Variants in ABCB9 observed in about 807,000 individuals in gnomAD.
ABCB9 encodes ABC-type oligopeptide transporter ABCB9.
Under a neutral mutation model 62.0 loss-of-function variants are expected in ABCB9, and 36 were observed. That is an observed-to-expected ratio of 0.58 (90% CI 0.45 to 0.77). The LOEUF is 0.77. Among genes scored for constraint, ABCB9 ranks in the 30% least tolerant of loss-of-function variants. The probability of loss-of-function intolerance (pLI) is 0.00; values close to 1 mark genes in which losing one functional copy is unlikely to be tolerated. For missense variants in ABCB9, 943 were observed against 1,054.7 expected (o/e 0.89, Z 1.47); for synonymous variants, 435 against 461.4 (o/e 0.94, Z 0.73).
intron 2 of ABCB9, among the ~76,000 whole-genome samples, chr12:122,953,264 G>A (rs1436522118): frequency 6.6e-6 from 1 of 151,448 alleles, no homozygotes; most frequent in African/African-American, 2.4e-5. Flanking sequence ...CCAGGCTGGA[G>A]TGCAGTGGCA....
Position 122,938,815 on chromosome 12 carries a change from G to A in ABCB9, c.1743+1296C>T, listed in dbSNP as rs769792803. ...TGCACTCCAGCCTGGGCGACAGAGC[G>A]AGACTCTGTCTCCAAAAAAAAATAA... On this transcript the variant is annotated intron_variant, in intron 9 of 11. Coordinates refer to ENST00000280560, the MANE Select transcript of ABCB9 (RefSeq NM_019625.4). Among the ~76,000 whole-genome samples, 36 of 148,996 alleles carry A rather than the reference G, an allele frequency of 2.4e-4. 1 individual carries two copies. The highest frequency in any genetic ancestry group is 1.0e-4 in the Non-Finnish European group (7 of 67,168).
rs1439272835 is a variant in ABCB9 at position 122,921,237 on chromosome 12, A to T, written c.2041-194T>A. Among the ~76,000 whole-genome samples, 3 of 151,658 alleles carry T rather than the reference A, an allele frequency of 2.0e-5. No individual in the cohort carries two copies. The East Asian group carries it at 5.9e-4, about 30-fold the overall frequency. On this transcript the variant is annotated intron_variant, in intron 11 of 11. Transcript: ENST00000344275. ...TAAGACCAGCCTAGGCAACATAACC[A>T]CAACTCTGTCTCTACAGAAAATCTA...
chr12:122,940,376 AGCCCACCCCATGT>A lies in ABCB9; in HGVS notation c.1570-105_1570-93del, dbSNP rs1425476050. The A allele has an allele frequency of 1.4e-6, 2 of 1,434,694 alleles. No individual in the cohort carries two copies. The highest frequency in any genetic ancestry group is 4.7e-5 in the East Asian group (2 of 42,498). 88.9% of individuals were successfully genotyped at this position (1,434,694 alleles called of 1,614,324 possible). ...TTGGACACAGGTGGGTGCCCTTCCC[AGCCCACCCCATGT>A]GCCTCTCCCTCGCTTGGGCACTGCT... is the stretch of plus-strand genomic sequence containing the variant. On this transcript the variant is annotated intron_variant, in intron 8 of 11. Coordinates refer to ENST00000280560, the MANE Select transcript of ABCB9 (RefSeq NM_019625.4). The surrounding 1 kb of genome is among the most constrained non-coding windows in gnomAD (Gnocchi z 4.8).
intron 2 of ABCB9, among the ~76,000 whole-genome samples, chr12:122,954,371 G>A (rs1037562238): frequency 1.3e-5 from 2 of 152,024 alleles, no homozygotes; most frequent in Non-Finnish European, 2.9e-5. Flanking sequence ...ACCACACCTA[G>A]CTAATTTTGT....
In ABCB9 at chr12:122,959,949, T is replaced by C. The variant is rs1003563801; in HGVS notation, c.287A>G (p.Tyr96Cys). 6.2e-7 allele frequency: 1 copy of C among 1,613,216 alleles called. No homozygotes were observed. The highest frequency in any genetic ancestry group is 8.5e-7 in the Non-Finnish European group (1 of 1,179,938). The change falls in exon 2 of 12, where the codon TAT becomes TGT. Residue 96 changes from tyrosine to cysteine, a missense_variant. Transcript: ENST00000280560. The surrounding 1 kb of genome is among the most constrained non-coding windows in gnomAD (Gnocchi z 5.4). ...GAAGAGCAGCAGCTTCACCATGGCA[T>C]AGATGCCCACGAAGAGGCACACGAG... is the stretch of plus-strand genomic sequence containing the variant. ...ITLVCLFVGI[Y>C]AMVKLLLFSE...
chr12:122,920,933 G>T, downstream of ABCB9: 1 of 1,303,676 alleles, frequency 7.7e-7, no homozygotes. Flanking sequence ...ATCACATAAA[G>T]CGCATAGACT....
chr12:122,922,537 G>C (rs746418397), intron 11 of ABCB9, among the ~76,000 whole-genome samples: 6 of 151,924 alleles, frequency 3.9e-5, no homozygotes, highest in Non-Finnish European at 1.5e-5. Context: ...GTGCCACCAC[G>C]CCCGGCTAAT....
chr12:122,946,325 AGCTATAT>A, intron 5 of ABCB9, 103 bp from the exon 6 acceptor site: 1 of 1,160,672 alleles, frequency 8.6e-7, no homozygotes. Context: ...CGCTGGCACC[AGCTATAT>A]GCAAGAGGTT....
In ABCB9 at chr12:122,944,972, G is replaced by A. The variant is rs1441982519; in HGVS notation, c.1252-453C>T. On this transcript the variant is annotated intron_variant, in intron 6 of 11. Coordinates refer to ENST00000280560, the MANE Select transcript of ABCB9 (RefSeq NM_019625.4). The surrounding 1 kb of genome is among the most constrained non-coding windows in gnomAD (Gnocchi z 4.9). ...GCGCCCATGCCTTCCTCCTGTGCCTGGGGGGCATCTGGGAAGGGAGTGGAG... is the reference window on the plus strand; with the variant it reads ...GCGCCCATGCCTTCCTCCTGTGCCTAGGGGGCATCTGGGAAGGGAGTGGAG... Among the ~76,000 whole-genome samples, 2 of 152,154 alleles carry A rather than the reference G, an allele frequency of 1.3e-5. No homozygotes were observed. Among genetic ancestry groups the A allele is most frequent in the Non-Finnish European group, 2.9e-5 (2 of 68,024 alleles).
rs745379620 is a variant in ABCB9 at position 122,947,233 on chromosome 12, G to T, written c.1054-1011C>A. On this transcript the variant is annotated intron_variant, in intron 5 of 11. Transcript: ENST00000280560. The surrounding 1 kb of genome is among the most constrained non-coding windows in gnomAD (Gnocchi z 6.0). ...GGGCTGGTGGGAAGGCCGGAAGCAA[G>T]GGGTGGGGAGCAGCGTGCCAGAAAT... 3.3e-5 allele frequency among the ~76,000 whole-genome samples: 5 copies of T among 152,208 alleles called. No individual in the cohort carries two copies. The highest frequency in any genetic ancestry group is 4.4e-5 in the Non-Finnish European group (3 of 68,036).
At chr12:122,973,468 G>C (rs1290974076) in intron 1 of ABCB9, among the ~76,000 whole-genome samples, 8 of 140,552 alleles carry the variant, frequency 5.7e-5, no homozygotes, top group East Asian at 2.1e-4. Flanking sequence ...GGAGGCTGAG[G>C]CAGGAGAATG....
At chr12:122,972,371 T>G (rs1340765251) in intron 1 of ABCB9, among the ~76,000 whole-genome samples, 1 of 152,134 alleles carries the variant, frequency 6.6e-6, no homozygotes, top group African/African-American at 2.4e-5. Flanking sequence ...GTAGAATGGG[T>G]CAATGACTTG....
chr12:122,966,104 G>A (rs911485985), intron 1 of ABCB9, among the ~76,000 whole-genome samples, 183 bp downstream of exon 1: 9 of 152,242 alleles, frequency 5.9e-5, no homozygotes, highest in East Asian at 1.9e-4. Context: ...GGATGCTGCA[G>A]GGATGGGGGC....
downstream of ABCB9, chr12:122,924,743 T>C: frequency 6.5e-7 from 1 of 1,533,830 alleles, no homozygotes; most frequent in South Asian, 1.2e-5. Context: ...CTCATCTGTC[T>C]CTCTGGCCAA....
downstream of ABCB9, among the ~76,000 whole-genome samples, chr12:122,920,506 C>T (rs1175759966): frequency 6.6e-6 from 1 of 152,134 alleles, no homozygotes; most frequent in African/African-American, 2.4e-5. Flanking sequence ...TGCTGTGCCA[C>T]TTAATTTTTG....
rs1001987645 is a variant in ABCB9, at chr12:122,944,642, C to T, written c.1252-123G>A. 19 of 1,396,030 alleles carry T rather than the reference C, an allele frequency of 1.4e-5. No individual in the cohort carries two copies. Among genetic ancestry groups the T allele is most frequent in the Admixed American group, 9.1e-5 (4 of 43,936 alleles). The allele number at this position is 1,396,030 out of a possible 1,614,324, so 86.5% of individuals were successfully genotyped here. On this transcript the variant is annotated intron_variant, in intron 6 of 11. Coordinates refer to ENST00000280560, the MANE Select transcript of ABCB9 (RefSeq NM_019625.4). This position sits in a 1 kb window ranked among gnomAD's most constrained non-coding sequence, Gnocchi z 4.9. ...CAGACCCAGCCACAAACTGAAATGC[C>T]GGCCGTTGGCAGGGGTGTCTTCCAA...
chr12:122,971,510 A>G (rs1342596197), intron 1 of ABCB9, among the ~76,000 whole-genome samples: 1 of 152,152 alleles, frequency 6.6e-6, no homozygotes, highest in Admixed American at 6.5e-5. Flanking sequence ...GCTGGGGTTC[A>G]GCAGCATGAC....
Position 122,940,736 on chromosome 12 carries a change from T to G in ABCB9, c.1569+71A>C. On this transcript the variant is annotated intron_variant, in intron 8 of 11. Transcript: ENST00000280560. This position sits in a 1 kb window ranked among gnomAD's most constrained non-coding sequence, Gnocchi z 4.8. ...TCCCAGCTGCCCTGCCACAGCCTGG[T>G]GTATAGGAGGTGCACCAGAAATGGG... 5.5e-6 allele frequency: 8 copies of G among 1,457,976 alleles called. No individual in the cohort carries two copies. The highest frequency in any genetic ancestry group is 7.3e-6 in the Non-Finnish European group (8 of 1,090,252). The allele number at this position is 1,457,976 out of a possible 1,614,324, so 90.3% of individuals were successfully genotyped here.
chr12:122,969,247 T>G (rs751114290), upstream of ABCB9, among the ~76,000 whole-genome samples: 4 of 148,738 alleles, frequency 2.7e-5, no homozygotes, highest in Non-Finnish European at 5.9e-5. Flanking sequence ...CCCAGCCTAG[T>G]CACAGAGACT....
Sources: allele counts gnomAD v4.1 joint callset (sites outside exome capture counted in the v4.1 genomes callset), GRCh38; gene constraint gnomAD v4.1.1; non-coding constraint Gnocchi (gnomAD v3.1); transcripts MANE v1.5; gene names NCBI Gene and HGNC (gene_info 2026-07-23, HGNC 2026-07-21).